Variants in COG2 observed in about 807,000 individuals in gnomAD.
COG2 encodes the protein component of oligomeric golgi complex 2, also known as conserved oligomeric Golgi complex subunit 2.
COG2 carries 52 observed loss-of-function variants against 90.6 expected under a neutral mutation model. The observed-to-expected ratio is 0.57, with a 90% CI of 0.46 to 0.72. The LOEUF (loss-of-function observed/expected upper bound fraction) is 0.72. Among genes scored for constraint, COG2 ranks in the 30% least tolerant of loss-of-function variants. The probability of loss-of-function intolerance (pLI) is 0.00; values close to 1 mark genes in which losing one functional copy is unlikely to be tolerated. For missense variants in COG2, 829 were observed against 891.2 expected, an observed-to-expected ratio of 0.93 and a Z score of 0.89; for synonymous variants, 337 against 320.4, an observed-to-expected ratio of 1.05 and a Z score of -0.55.
chr1:230,688,527 C>A lies in COG2; in HGVS notation c.1759C>A (p.Leu587Met). The change falls in exon 15 of 18, where the codon CTG becomes ATG. Residue 587 changes from leucine to methionine, a missense_variant. Transcript: ENST00000366669. ...DSCFGFLKSA[L>M]EVPRLYRRTN... is the part of the protein sequence containing the mutation. Reference sequence around the variant, plus strand: ...TTGCTTCGGTTTCCTAAAAAGCGCCCTGGAGGTTCCCAGGCTTTACCGAAG... The same window carrying A: ...TTGCTTCGGTTTCCTAAAAAGCGCCATGGAGGTTCCCAGGCTTTACCGAAG... 1.2e-6 allele frequency: 2 copies of A among 1,614,108 alleles called. No individual in the cohort carries two copies. Among genetic ancestry groups the A allele is most frequent in the African/African-American group, 2.7e-5 (2 of 75,016 alleles).
chr1:230,674,444 AC>A, intron 8 of COG2, among the ~76,000 whole-genome samples: 1 of 152,396 alleles, frequency 6.6e-6, no homozygotes, highest in African/African-American at 2.4e-5. Context: ...AGGCACACAC[AC>A]AAAATAAAAC....
At chr1:230,672,610 C>T (rs1045619480) in intron 8 of COG2, among the ~76,000 whole-genome samples, 1 of 151,802 alleles carries the variant, frequency 6.6e-6, no homozygotes, top group Non-Finnish European at 1.5e-5. Flanking sequence ...GCAGGTGAAT[C>T]GCTTGAGGCC....
intron 7 of COG2, 75 bp downstream of exon 7, chr1:230,669,610 T>C (rs1662400241): frequency 6.9e-6 from 9 of 1,313,192 alleles, no homozygotes; most frequent in Non-Finnish European, 9.4e-6. Flanking sequence ...GTGAGGAAGA[T>C]AAGAAGAGAG....
rs747541926 is a variant in COG2 at position 230,688,559 on chromosome 1, T to C, written c.1791T>C (p.Asn597=). 5.0e-6 allele frequency: 8 copies of C among 1,613,884 alleles called. No individual in the cohort carries two copies. Among genetic ancestry groups the C allele is most frequent in the African/African-American group, 2.7e-5 (2 of 74,988 alleles). Residue 597 remains asparagine, a synonymous_variant, in exon 15 of 18, where the codon AAT becomes AAC. Transcript: ENST00000366669. The stretch of plus-strand genomic sequence containing the variant: ...TTCCCAGGCTTTACCGAAGAACCAA[T>C]AAGGTCAGCGCCATTTATGGGAGAG... ...LEVPRLYRRT[N]KEVPTTASSY...
At position 230,679,035 on chromosome 1, in the gene COG2, T is replaced by C; in HGVS notation, c.1149T>C (p.Pro383=). 1 of 1,612,350 alleles carries C rather than the reference T, an allele frequency of 6.2e-7. No individual in the cohort carries two copies. Among genetic ancestry groups the C allele is most frequent in the Non-Finnish European group, 8.5e-7 (1 of 1,178,560 alleles). Residue 383 remains proline, a synonymous_variant, in exon 10 of 18, where the codon CCT becomes CCC. Transcript: ENST00000366669. Reference sequence around the variant, plus strand: ...GCTTCAATAAGAAGTGGAACTTGCCTGTTTATTTTCAAATAAGGTTGGTCA... The same window carrying C: ...GCTTCAATAAGAAGTGGAACTTGCCCGTTTATTTTCAAATAAGGTTGGTCA... ...YHSFNKKWNL[P]VYFQIRFREI... is the part of the protein sequence containing the mutation.
chr1:230,652,174 C>T (rs1470033701), intron 1 of COG2, among the ~76,000 whole-genome samples: 1 of 133,496 alleles, frequency 7.5e-6, no homozygotes, highest in East Asian at 2.4e-4. Flanking sequence ...CCTGTCCATT[C>T]TTCCCCTCCT....
chr1:230,662,082 G>A (rs1299786561), intron 3 of COG2, among the ~76,000 whole-genome samples: 2 of 152,006 alleles, frequency 1.3e-5, no homozygotes, highest in Admixed American at 1.3e-4. Context: ...CCATGGAGGT[G>A]GATTCACTCT....
chr1:230,680,726 A>C (rs1266115047), intron 10 of COG2: 1 of 151,908 alleles, frequency 6.6e-6, no homozygotes, highest in Non-Finnish European at 1.5e-5. Context: ...GAAGTGTAGA[A>C]CTTGTCTTTA....
At chr1:230,686,517 G>GT (rs913251901) in intron 12 of COG2, among the ~76,000 whole-genome samples, 20 of 152,068 alleles carry the variant, frequency 1.3e-4, no homozygotes, top group Non-Finnish European at 2.5e-4. Context: ...AGAACACTTT[G>GT]TTTTTTGTAT....
chr1:230,689,155 A>G (rs1237766142), intron 15 of COG2, among the ~76,000 whole-genome samples: 3 of 152,050 alleles, frequency 2.0e-5, no homozygotes, highest in Non-Finnish European at 4.4e-5. Context: ...ATGTCGTGAC[A>G]TCCAGTCTCC....
Position 230,642,678 on chromosome 1 carries a change from G to A in COG2, c.72G>A (p.Lys24=). 2.5e-6 allele frequency: 4 copies of A among 1,612,084 alleles called. No individual in the cohort carries two copies. The highest frequency in any genetic ancestry group is 3.4e-6 in the Non-Finnish European group (4 of 1,179,272). ...TLCFDKDEFM[K]EDFDVDHFVS... ...GCTTCGACAAGGACGAGTTCATGAA[G>A]GTGCGCGCGGCGTCCGCTCCCCGGA... The change falls in exon 1 of 18, where the codon AAG becomes AAA. Residue 24 remains lysine, a splice_region_variant and synonymous_variant. Coordinates refer to ENST00000366669, the MANE Select transcript of COG2 (RefSeq NM_007357.3).
intron 2 of COG2, 69 bp from the exon 3 acceptor site, chr1:230,660,689 C>A: frequency 9.5e-7 from 1 of 1,055,014 alleles, no homozygotes; most frequent in South Asian, 1.7e-5. Flanking sequence ...CTACATTGAT[C>A]ATTAAATGGA....
chr1:230,678,848 C>G (rs1662662818), intron 9 of COG2, 65 bp from the exon 10 acceptor site: 2 of 1,591,120 alleles, frequency 1.3e-6, no homozygotes, highest in East Asian at 4.5e-5. Flanking sequence ...TTACAGTTTT[C>G]AGTACATGCT....
At chr1:230,660,919 G>T in intron 3 of COG2, 96 bp downstream of exon 3, 1 of 756,474 alleles carries the variant, frequency 1.3e-6, no homozygotes, top group South Asian at 2.7e-5. Context: ...TTAGGTTGTT[G>T]ATTTTTGTTT....
intron 2 of COG2, 150 bp downstream of exon 2, chr1:230,659,775 C>A: frequency 1.4e-6 from 1 of 704,500 alleles, no homozygotes; most frequent in Non-Finnish European, 2.1e-6. Context: ...AATAAAATAA[C>A]CAAACTTTCT....
intron 1 of COG2, among the ~76,000 whole-genome samples, chr1:230,657,579 G>A (rs1341246651): frequency 6.6e-6 from 1 of 152,062 alleles, no homozygotes; most frequent in African/African-American, 2.4e-5. Flanking sequence ...TCTTTGTGGT[G>A]TTTTCTATGT....
At chr1:230,647,629 C>T (rs1473557226) in intron 1 of COG2, among the ~76,000 whole-genome samples, 2 of 152,042 alleles carry the variant, frequency 1.3e-5, no homozygotes, top group East Asian at 1.9e-4. Context: ...CCTCAGTATC[C>T]GCAGAGGATT....
chr1:230,688,548 C>A lies in COG2; in HGVS notation c.1780C>A (p.Arg594=). 6.2e-7 allele frequency: 1 copy of A among 1,613,860 alleles called. No individual in the cohort carries two copies. The highest frequency in any genetic ancestry group is 8.5e-7 in the Non-Finnish European group (1 of 1,179,930). Residue 594 remains arginine, a synonymous_variant, in exon 15 of 18, where the codon CGA becomes AGA. Coordinates refer to ENST00000366669, the MANE Select transcript of COG2 (RefSeq NM_007357.3). ...CGCCCTGGAGGTTCCCAGGCTTTAC[C>A]GAAGAACCAATAAGGTCAGCGCCAT... is the stretch of plus-strand genomic sequence containing the variant. ...KSALEVPRLY[R]RTNKEVPTTA...
chr1:230,690,972 C>G (rs939712822), intron 16 of COG2, among the ~76,000 whole-genome samples: 9 of 152,034 alleles, frequency 5.9e-5, no homozygotes, highest in African/African-American at 2.2e-4. Flanking sequence ...ATGAACTGTT[C>G]CTAGAACTGA....
Sources: allele counts gnomAD v4.1 joint callset (sites outside exome capture counted in the v4.1 genomes callset), GRCh38; gene constraint gnomAD v4.1.1; transcripts MANE v1.5; gene names NCBI Gene and HGNC (gene_info 2026-07-23, HGNC 2026-07-21).